The following M1AP variants were observed in gnomAD, a reference collection of about 807,000 sequenced individuals.
M1AP encodes meiosis 1 arrest protein.
In M1AP, 39 loss-of-function variants were observed where a neutral mutation model predicts 51.2. The ratio of observed to expected loss-of-function variants is 0.76; its 90% CI spans 0.59 to 1.00. M1AP has a LOEUF of 1.00. Among genes scored for constraint, M1AP ranks in the 50% least tolerant of loss-of-function variants. The pLI, the probability that M1AP is intolerant of heterozygous loss-of-function variation, is 0.00. For synonymous variants in M1AP, 251 were observed against 249.2 expected, an observed-to-expected ratio of 1.01 and a Z score of -0.07; for missense variants, 545 against 641.2, an observed-to-expected ratio of 0.85 and a Z score of 1.62.
chr2:74,628,961 A>G (rs1195431281), intron 2 of M1AP: 7 of 286,686 alleles, frequency 2.4e-5, no homozygotes, highest in Non-Finnish European at 5.0e-5. Context: ...ATACTTTCAA[A>G]TAATGGTGAT....
chr2:74,614,949 G>C lies in M1AP; in HGVS notation c.426+15C>G, dbSNP rs781528895. 2 of 1,612,288 alleles carry C rather than the reference G, an allele frequency of 1.2e-6. No individual in the cohort carries two copies. The highest frequency in any genetic ancestry group is 2.2e-5 in the East Asian group (1 of 44,872). On this transcript the variant is annotated intron_variant, in intron 3 of 10. Coordinates refer to ENST00000421985, the MANE Select transcript of M1AP (RefSeq NM_001321739.2). ...CGGAACACAGCTTGGAGTCCTAAAG[G>C]CCAGCATCACTTACCTCCAGGGAGG...
At chr2:74,645,395 C>T (rs1438143153) in intron 1 of M1AP, among the ~76,000 whole-genome samples, 1 of 152,146 alleles carries the variant, frequency 6.6e-6, no homozygotes, top group African/African-American at 2.4e-5. Flanking sequence ...ATTGCTGGGC[C>T]ATAAGGCACG....
intron 2 of M1AP, among the ~76,000 whole-genome samples, chr2:74,626,794 A>C (rs1682424324): frequency 6.6e-6 from 1 of 152,192 alleles, no homozygotes; most frequent in Non-Finnish European, 1.5e-5. Context: ...AACTCATTTT[A>C]AATGCTATCT....
intron 2 of M1AP, among the ~76,000 whole-genome samples, chr2:74,621,749 C>T (rs1488963618): frequency 2.7e-5 from 4 of 150,916 alleles, no homozygotes; most frequent in Non-Finnish European, 4.4e-5. Context: ...GCCGAGATCG[C>T]GCTACTGCAC....
chr2:74,564,782 T>C (rs1166583687), intron 7 of M1AP, among the ~76,000 whole-genome samples: 4 of 152,196 alleles, frequency 2.6e-5, no homozygotes, highest in Admixed American at 1.3e-4. Flanking sequence ...CTGGAAGGGA[T>C]AGAAACCAGG....
chr2:74,580,467 A>C (rs1200660908), intron 5 of M1AP, among the ~76,000 whole-genome samples: 2 of 152,196 alleles, frequency 1.3e-5, no homozygotes, highest in Non-Finnish European at 2.9e-5. Flanking sequence ...AAGTTGGCAA[A>C]GACATTCTGG....
intron 1 of M1AP, chr2:74,647,542 G>A (rs72909220): frequency 2.5e-4 from 81 of 318,600 alleles, no homozygotes; most frequent in African/African-American, 1.5e-3. Context: ...CCCTCCTGAT[G>A]TGAGAAAAAA....
At chr2:74,640,703 G>A (rs1218043494) in intron 1 of M1AP, among the ~76,000 whole-genome samples, 5 of 151,904 alleles carry the variant, frequency 3.3e-5, no homozygotes, top group African/African-American at 7.3e-5. Context: ...CGATCCGCCC[G>A]CCTTGGCCTC....
intron 4 of M1AP, among the ~76,000 whole-genome samples, chr2:74,589,391 G>A (rs1306815083): frequency 1.3e-5 from 2 of 152,176 alleles, no homozygotes; most frequent in Non-Finnish European, 2.9e-5. Flanking sequence ...TTTGAAGAAG[G>A]GTGGGTTCCA....
At chr2:74,641,835 A>G (rs140232090) in intron 1 of M1AP, among the ~76,000 whole-genome samples, 423 of 145,258 alleles carry the variant, frequency 2.9e-3, no homozygotes, top group African/African-American at 0.011. Flanking sequence ...AACAGGATAC[A>G]CTCCTCAACT....
chr2:74,589,646 G>A (rs1679926485), intron 4 of M1AP, among the ~76,000 whole-genome samples: 1 of 152,300 alleles, frequency 6.6e-6, no homozygotes, highest in South Asian at 2.1e-4. Context: ...GGGAAGGAGG[G>A]AAGAGGAATC....
At chr2:74,645,141 G>A (rs1683528207) in intron 1 of M1AP, among the ~76,000 whole-genome samples, 1 of 152,048 alleles carries the variant, frequency 6.6e-6, no homozygotes, top group Non-Finnish European at 1.5e-5. Context: ...AACCCACCGG[G>A]AGGAATGAAA....
intron 2 of M1AP, among the ~76,000 whole-genome samples, chr2:74,632,027 T>C (rs1553419254): frequency 6.6e-6 from 1 of 152,232 alleles, no homozygotes; most frequent in Non-Finnish European, 1.5e-5. Flanking sequence ...GTTCTATACG[T>C]AAGGTAATAG....
At chr2:74,558,938 C>T (rs905954069) in intron 10 of M1AP, 64 bp from the exon 11 acceptor site, 1 of 1,460,820 alleles carries the variant, frequency 6.8e-7, no homozygotes. Context: ...ATCCCATTCT[C>T]TGTTGGGCTT....
chr2:74,625,191 G>C (rs1460670139), intron 2 of M1AP, among the ~76,000 whole-genome samples: 1 of 152,064 alleles, frequency 6.6e-6, no homozygotes, highest in Non-Finnish European at 1.5e-5. Context: ...GTATTTTCAT[G>C]TCTCAATGTC....
intron 2 of M1AP, among the ~76,000 whole-genome samples, chr2:74,621,400 GGCC>G (rs1178592642): frequency 6.6e-6 from 1 of 152,142 alleles, no homozygotes; most frequent in Non-Finnish European, 1.5e-5. Flanking sequence ...GGCAGCCACT[GGCC>G]GCCTGTGGTT....
At chr2:74,592,313 T>C (rs988304919) in intron 4 of M1AP, among the ~76,000 whole-genome samples, 2 of 152,190 alleles carry the variant, frequency 1.3e-5, no homozygotes, top group African/African-American at 2.4e-5. Flanking sequence ...ATTGGTGTCA[T>C]ACTTTTTAAC....
chr2:74,578,836 T>C (rs1017948895), intron 5 of M1AP, among the ~76,000 whole-genome samples: 7 of 150,636 alleles, frequency 4.6e-5, no homozygotes, highest in Non-Finnish European at 8.8e-5. Context: ...GGAGGAAAGC[T>C]TGGGTTTTTT....
At chr2:74,575,621 C>T in intron 6 of M1AP, 42 bp from the exon 7 acceptor site, 2 of 1,492,518 alleles carry the variant, frequency 1.3e-6, no homozygotes, top group Non-Finnish European at 1.9e-6. Context: ...TTAGTGATAT[C>T]TAGAACCTCC....
Sources: gnomAD v4.1 joint callset for allele counts (sites outside exome capture counted in the v4.1 genomes callset) on GRCh38, gnomAD v4.1.1 for gene constraint, MANE v1.5 for transcripts, NCBI Gene and HGNC (gene_info 2026-07-23, HGNC 2026-07-21) for gene names.